NLRP13: variants seen among roughly 807,000 people sequenced by gnomAD.
The protein encoded by NLRP13 is NLR family pyrin domain containing 13.
In NLRP13, 82 loss-of-function variants were observed where a neutral mutation model predicts 94.4. The observed-to-expected ratio is 0.87, with a 90% CI of 0.73 to 1.04. NLRP13 has a LOEUF of 1.04. Ranked by LOEUF, NLRP13 falls within the 50% of genes least tolerant of loss-of-function variation. NLRP13 has a pLI of 0.00. For synonymous variants in NLRP13, 553 were observed against 464.7 expected (o/e 1.19, Z -2.45); for missense variants, 1,426 against 1,230.8 (o/e 1.16, Z -2.37).
intron 1 of NLRP13, among the ~76,000 whole-genome samples, chr19:55,930,686 CA>C (rs9304769): frequency 0.045 from 4,246 of 93,988 alleles, 132 homozygotes; most frequent in East Asian, 0.22. Context: ...AACTCCATCT[CA>C]AAAAAAAAAA....
chr19:55,899,484 C>CA (rs907441232), intron 9 of NLRP13, among the ~76,000 whole-genome samples: 9 of 152,036 alleles, frequency 5.9e-5, no homozygotes, highest in Non-Finnish European at 1.2e-4. Context: ...CCACCCCCCC[C>CA]ATCCCAAAAA....
chr19:55,907,455 A>G (rs1032614214), intron 7 of NLRP13, among the ~76,000 whole-genome samples: 1 of 152,118 alleles, frequency 6.6e-6, no homozygotes, highest in Non-Finnish European at 1.5e-5. Flanking sequence ...ACCTGTGGGT[A>G]CCAGCCACTC....
intron 4 of NLRP13, among the ~76,000 whole-genome samples, chr19:55,920,127 A>C (rs1986782716): frequency 6.6e-6 from 1 of 152,224 alleles, no homozygotes; most frequent in South Asian, 2.1e-4. Context: ...GGCTAGCCAT[A>C]TGTAGAAGAA....
rs568669854 is a variant in NLRP13 at position 55,924,189 on chromosome 19, C to T, written c.458-210G>A. Among the ~76,000 whole-genome samples, 7 of 152,292 alleles carry T rather than the reference C, an allele frequency of 4.6e-5. No homozygotes were observed. In the South Asian group the frequency reaches 1.2e-3, roughly 27 times the overall value. On this transcript the variant is annotated intron_variant, in intron 3 of 10. Transcript: ENST00000342929. ...CCACGCTAGAGTGCAGTGGTACCAT[C>T]TTGGCTCACTGCAACATCTGCCTCC...
At chr19:55,926,162 G>T (rs1366052474) in intron 1 of NLRP13, among the ~76,000 whole-genome samples, 1 of 152,102 alleles carries the variant, frequency 6.6e-6, no homozygotes, top group African/African-American at 2.4e-5. Flanking sequence ...CGAATCCAAC[G>T]ATGTGAGCCT....
intron 4 of NLRP13, among the ~76,000 whole-genome samples, chr19:55,919,178 T>C: frequency 6.6e-6 from 1 of 152,120 alleles, no homozygotes; most frequent in East Asian, 1.9e-4. Context: ...CATCCCTTCA[T>C]GATAAAAACC....
chr19:55,895,139 C>T (rs36195480), downstream of NLRP13, among the ~76,000 whole-genome samples: 14,716 of 150,008 alleles, frequency 0.098, 1,127 homozygotes, highest in East Asian at 0.24. Flanking sequence ...CGCCTGTAAT[C>T]GCAGCACTTT....
intron 10 of NLRP13, among the ~76,000 whole-genome samples, chr19:55,896,335 C>T (rs1026285447): frequency 2.6e-5 from 4 of 151,656 alleles, no homozygotes; most frequent in Admixed American, 1.3e-4. Flanking sequence ...CCATCCTGGG[C>T]AACATGGTGA....
intron 1 of NLRP13, among the ~76,000 whole-genome samples, chr19:55,930,174 G>A (rs34097402): frequency 0.18 from 27,994 of 151,934 alleles, 2,797 homozygotes; most frequent in African/African-American, 0.26. Context: ...CTCATTTGAG[G>A]GTAGGAGAAG....
At chr19:55,910,839 A>G in intron 5 of NLRP13, 106 bp from the exon 6 acceptor site, 1 of 1,024,596 alleles carries the variant, frequency 9.8e-7, no homozygotes, top group Non-Finnish European at 1.4e-6. Context: ...AATTATTATA[A>G]TTTTCCTAAT....
chr19:55,908,939 C>T (rs902358982), intron 6 of NLRP13, among the ~76,000 whole-genome samples: 9 of 152,214 alleles, frequency 5.9e-5, no homozygotes. Context: ...ATGAAGGCCA[C>T]AGCCCCCTCT....
At chr19:55,930,059 A>T (rs1025556420) in intron 1 of NLRP13, among the ~76,000 whole-genome samples, 6 of 152,116 alleles carry the variant, frequency 3.9e-5, no homozygotes, top group African/African-American at 1.4e-4. Flanking sequence ...CCTCCTTTCC[A>T]CCAGAAGATA....
Position 55,912,343 on chromosome 19 carries a change from A to AC in NLRP13, c.1473dup (p.Trp492ValfsTer8). 1.9e-6 allele frequency: 3 copies of AC among 1,614,096 alleles called. No individual in the cohort carries two copies. Among genetic ancestry groups the AC allele is most frequent in the South Asian group, 1.1e-5 (1 of 91,078 alleles). On this transcript the variant is annotated frameshift_variant, in exon 5 of 11. Transcript: ENST00000342929. LOFTEE classifies it high-confidence loss of function. ...TTGTTAAACGTGAAGTTCATAGACCACAGCCCTTCTATGGCCAGACTGCAG... is the reference window on the plus strand; with the variant it reads ...TTGTTAAACGTGAAGTTCATAGACCACCAGCCCTTCTATGGCCAGACTGCAG...
At chr19:55,914,187 A>C (rs570372615) in intron 4 of NLRP13, among the ~76,000 whole-genome samples, 28 of 152,286 alleles carry the variant, frequency 1.8e-4, no homozygotes, top group African/African-American at 6.3e-4. Flanking sequence ...CAGTCACAGC[A>C]CAAGGGCCAG....
intron 9 of NLRP13, 39 bp from the exon 10 acceptor site, chr19:55,898,976 G>A (rs779558762): frequency 1.9e-6 from 3 of 1,582,402 alleles, no homozygotes; most frequent in Admixed American, 3.6e-5. Context: ...GAAAGTAATT[G>A]CGTCCCGAAG....
intron 7 of NLRP13, 95 bp downstream of exon 7, chr19:55,907,697 A>G (rs1287924751): frequency 4.2e-6 from 5 of 1,178,464 alleles, no homozygotes; most frequent in Non-Finnish European, 6.3e-6. Context: ...TCCTTTTGCT[A>G]CAAGGCTGAG....
intron 8 of NLRP13, among the ~76,000 whole-genome samples, chr19:55,902,900 T>C (rs1986228773): frequency 6.7e-6 from 1 of 148,272 alleles, no homozygotes; most frequent in Non-Finnish European, 1.5e-5. Flanking sequence ...ATGTTACAAT[T>C]ATACATGTAT....
At chr19:55,927,395 A>G (rs1339578647) in intron 1 of NLRP13, among the ~76,000 whole-genome samples, 2 of 151,452 alleles carry the variant, frequency 1.3e-5, no homozygotes, top group East Asian at 3.9e-4. Context: ...AAGAGTGAAA[A>G]CTATATGACA....
chr19:55,931,722 A>AGAAAGACAGAAAGACAG (rs1468023647), intron 1 of NLRP13, among the ~76,000 whole-genome samples: 1 of 107,328 alleles, frequency 9.3e-6, no homozygotes, highest in African/African-American at 3.6e-5. Context: ...AAAAAAAAAA[A>AGAAAGACAGAAAGACAG]AAAGAAAGAA....
Sources: allele counts gnomAD v4.1 joint callset (sites outside exome capture counted in the v4.1 genomes callset), GRCh38; gene constraint gnomAD v4.1.1; transcripts MANE v1.5; gene names NCBI Gene and HGNC (gene_info 2026-07-23, HGNC 2026-07-21).